The following AMN1 variants were observed in gnomAD, a reference collection of about 807,000 sequenced individuals.
The protein encoded by AMN1 is protein AMN1 homolog.
A neutral mutation model predicts 33.0 loss-of-function variants in AMN1; 20 were observed. The ratio of observed to expected loss-of-function variants is 0.61; its 90% CI spans 0.43 to 0.88. The LOEUF (loss-of-function observed/expected upper bound fraction) is 0.88, where lower values mean the gene tolerates loss of function less well. Among genes scored for constraint, AMN1 ranks in the 40% least tolerant of loss-of-function variants. The pLI, the probability that AMN1 is intolerant of heterozygous loss-of-function variation, is 0.00. For synonymous variants in AMN1, 114 were observed against 111.9 expected (o/e 1.02, Z -0.12); for missense variants, 246 against 307.4 (o/e 0.80, Z 1.49).
chr12:31,714,104 T>C (rs1049884475), intron 1 of AMN1, among the ~76,000 whole-genome samples: 3 of 152,118 alleles, frequency 2.0e-5, no homozygotes, highest in African/African-American at 7.2e-5. Context: ...TTTTTTAATA[T>C]TATTATATTC....
At position 31,728,952 on chromosome 12, in the gene AMN1, C is replaced by A; in HGVS notation, c.38+19G>T. The A allele has an allele frequency of 6.5e-7, 1 of 1,539,706 alleles. No homozygotes were observed. Among genetic ancestry groups the A allele is most frequent in the Non-Finnish European group, 8.8e-7 (1 of 1,139,174 alleles). On this transcript the variant is annotated intron_variant, in intron 1 of 6. Transcript: ENST00000281471. ...GGTGCTGGGGCGGCGCGAAGGGAGG[C>A]GGGACAGGGTAGACTCACAGATCCA... is the stretch of plus-strand genomic sequence containing the variant.
chr12:31,674,690 A>G (rs1951349434), intron 6 of AMN1, among the ~76,000 whole-genome samples: 1 of 152,120 alleles, frequency 6.6e-6, no homozygotes, highest in South Asian at 2.1e-4. Context: ...AATAGAACAA[A>G]GAACTAAAAC....
chr12:31,692,324 G>T (rs1207584812), intron 5 of AMN1, among the ~76,000 whole-genome samples: 3 of 151,746 alleles, frequency 2.0e-5, no homozygotes, highest in African/African-American at 7.3e-5. Flanking sequence ...GGGCGTGGTG[G>T]TGTGCACCTG....
chr12:31,709,120 A>G (rs1193301284), intron 2 of AMN1, 173 bp downstream of exon 2: 1 of 725,170 alleles, frequency 1.4e-6, no homozygotes, highest in East Asian at 2.9e-5. Flanking sequence ...GGTTGCAGTG[A>G]GCTGAGATTG....
At chr12:31,686,325 A>G (rs1938259406) in intron 6 of AMN1, among the ~76,000 whole-genome samples, 1 of 152,100 alleles carries the variant, frequency 6.6e-6, no homozygotes, top group Non-Finnish European at 1.5e-5. Flanking sequence ...CAAGCCTGTA[A>G]TCCCAGCTAC....
At chr12:31,721,539 G>A (rs189939600) in intron 1 of AMN1, among the ~76,000 whole-genome samples, 70 of 152,326 alleles carry the variant, frequency 4.6e-4, no homozygotes, top group Non-Finnish European at 8.2e-4. Flanking sequence ...AGGGGAAAAA[G>A]GCAACCAAAT....
chr12:31,723,523 G>A (rs1336712368), intron 1 of AMN1, among the ~76,000 whole-genome samples: 1 of 152,126 alleles, frequency 6.6e-6, no homozygotes, highest in Non-Finnish European at 1.5e-5. Flanking sequence ...TGTTAGCCAG[G>A]ATGGTCTCGA....
chr12:31,678,449 T>G (rs146346305), intron 6 of AMN1, among the ~76,000 whole-genome samples: 4 of 150,940 alleles, frequency 2.7e-5, no homozygotes. Flanking sequence ...TAGGCTGGAG[T>G]GCAATGGTGT....
intron 6 of AMN1, among the ~76,000 whole-genome samples, chr12:31,676,857 T>A (rs1448102667): frequency 2.0e-5 from 3 of 151,804 alleles, no homozygotes; most frequent in Non-Finnish European, 4.4e-5. Context: ...TATATTACAG[T>A]CTCCTTAGGC....
In AMN1 at chr12:31,693,889, T is replaced by C. The variant is rs77026867; in HGVS notation, c.591+3472A>G. On this transcript the variant is annotated intron_variant, in intron 5 of 6. Coordinates refer to ENST00000281471, the MANE Select transcript of AMN1 (RefSeq NM_001113402.2). The stretch of plus-strand genomic sequence containing the variant: ...TTTCACTGTGTTGCCCAGGATGTTC[T>C]TGAAATCCTGAGCTCAAGGGATCCA... Among the ~76,000 whole-genome samples the C allele has an allele frequency of 8.3e-3, 1,264 of 151,920 alleles. 18 individuals are homozygous for C. The highest frequency in any genetic ancestry group is 0.029 in the African/African-American group (1,192 of 41,430).
At chr12:31,694,984 C>A (rs1420177194) in intron 5 of AMN1, among the ~76,000 whole-genome samples, 1 of 152,060 alleles carries the variant, frequency 6.6e-6, no homozygotes, top group East Asian at 1.9e-4. Context: ...GTATATTCAC[C>A]CTACTTTGTT....
chr12:31,683,166 T>C lies in AMN1; in HGVS notation c.703+5841A>G, dbSNP rs570740543. On this transcript the variant is annotated intron_variant, in intron 6 of 6. Transcript: ENST00000281471. This position sits in a 1 kb window ranked among gnomAD's most constrained non-coding sequence, Gnocchi z 4.1. ...TTAGTAGAGAGGGGGTTTCACCATA[T>C]TGGCCAGGCTGGTCTCAAACTCCTA... 2.0e-5 allele frequency among the ~76,000 whole-genome samples: 3 copies of C among 152,184 alleles called. No individual in the cohort carries two copies. Among genetic ancestry groups the C allele is most frequent in the Non-Finnish European group, 4.4e-5 (3 of 68,038 alleles).
At chr12:31,719,997 G>A (rs1939822029) in intron 1 of AMN1, among the ~76,000 whole-genome samples, 1 of 152,174 alleles carries the variant, frequency 6.6e-6, no homozygotes, top group Admixed American at 6.5e-5. Context: ...ACATGTATGT[G>A]TGTATATATA....
chr12:31,685,321 G>A (rs1447638831), intron 6 of AMN1, among the ~76,000 whole-genome samples: 2 of 152,124 alleles, frequency 1.3e-5, no homozygotes, highest in African/African-American at 2.4e-5. Context: ...GAGCCACTTC[G>A]CCTGGCCTAT....
chr12:31,686,207 A>T (rs1938254079), intron 6 of AMN1, among the ~76,000 whole-genome samples: 1 of 152,184 alleles, frequency 6.6e-6, no homozygotes. Context: ...GCACTTTGGG[A>T]GACTGAGCCA....
At chr12:31,728,907 G>A in intron 1 of AMN1, 64 bp downstream of exon 1, 1 of 1,515,432 alleles carries the variant, frequency 6.6e-7, no homozygotes, top group Non-Finnish European at 8.9e-7. Flanking sequence ...GAGCAGCGCA[G>A]GGCCTGGCCG....
At chr12:31,702,226 C>T (rs907500080) in intron 2 of AMN1, among the ~76,000 whole-genome samples, 1 of 152,192 alleles carries the variant, frequency 6.6e-6, no homozygotes, top group East Asian at 1.9e-4. Flanking sequence ...CAAAGTCCTT[C>T]TTGGGACACA....
Position 31,683,482 on chromosome 12 carries a change from G to T in AMN1, c.703+5525C>A, listed in dbSNP as rs1357708697. Among the ~76,000 whole-genome samples, 3 of 152,168 alleles carry T rather than the reference G, an allele frequency of 2.0e-5. No individual in the cohort carries two copies. The highest frequency in any genetic ancestry group is 3.8e-4 in the East Asian group (2 of 5,200). ...TGTGTCGCCACCCAAATCTCATCTT[G>T]AATTGTAGCTCCCACAATTCCCATG... On this transcript the variant is annotated intron_variant, in intron 6 of 6. Transcript: ENST00000281471. The surrounding 1 kb of genome is among the most constrained non-coding windows in gnomAD (Gnocchi z 4.1).
intron 6 of AMN1, among the ~76,000 whole-genome samples, chr12:31,674,852 C>T (rs1350060680): frequency 6.6e-6 from 1 of 150,946 alleles, no homozygotes; most frequent in Admixed American, 6.6e-5. Context: ...CCCGTCTCTA[C>T]TAAAAATACA....
Sources: gnomAD v4.1 joint callset for allele counts (sites outside exome capture counted in the v4.1 genomes callset) on GRCh38, gnomAD v4.1.1 for gene constraint, Gnocchi (gnomAD v3.1) non-coding constraint, MANE v1.5 for transcripts, NCBI Gene and HGNC (gene_info 2026-07-23, HGNC 2026-07-21) for gene names.